LYPLAL1: variants seen among roughly 807,000 people sequenced by gnomAD.
The protein encoded by LYPLAL1 is lysophospholipase like 1, also known as lysophospholipase-like protein 1.
In LYPLAL1, 23 loss-of-function variants were observed where a neutral mutation model predicts 19.7. The observed-to-expected ratio is 1.17, with a 90% CI of 0.84 to 1.65. The LOEUF (loss-of-function observed/expected upper bound fraction) is 1.65. Ranked by LOEUF, LYPLAL1 falls within the 40% of genes most tolerant of loss-of-function variation. LYPLAL1 has a pLI of 0.00. For synonymous variants in LYPLAL1, 119 were observed against 96.3 expected (o/e 1.24, Z -1.38); for missense variants, 355 against 279.4 (o/e 1.27, Z -1.93).
chr1:219,193,294 G>C (rs767361782), intron 3 of LYPLAL1, 43 bp downstream of exon 3: 35 of 1,507,584 alleles, frequency 2.3e-5, no homozygotes, highest in Non-Finnish European at 3.1e-5. Context: ...GTTCACTTTT[G>C]TCTAATTCTA....
the LYPLAL1 span, among the ~76,000 whole-genome samples, chr1:219,410,756 G>A: frequency 1.3e-5 from 2 of 152,384 alleles, no homozygotes; most frequent in African/African-American, 4.8e-5. Flanking sequence ...CAGCCAGCCA[G>A]CCCTGCTGGC....
the LYPLAL1 span, among the ~76,000 whole-genome samples, chr1:219,296,880 C>T: frequency 1.3e-5 from 2 of 152,242 alleles, no homozygotes; most frequent in South Asian, 2.1e-4. Context: ...TAAAGTGCAA[C>T]GAATCAGAAG....
At chr1:219,303,068 G>A in the LYPLAL1 span, among the ~76,000 whole-genome samples, 1 of 152,172 alleles carries the variant, frequency 6.6e-6, no homozygotes, top group African/African-American at 2.4e-5. Context: ...CACATTTCCA[G>A]AAGTATAGAA....
the LYPLAL1 span, among the ~76,000 whole-genome samples, chr1:219,276,497 C>T: frequency 1.3e-5 from 2 of 152,256 alleles, no homozygotes; most frequent in Admixed American, 1.3e-4. Context: ...TTGAGTCAGC[C>T]AGAGGGTAAA....
chr1:219,176,858 C>T (rs1242865802), intron 1 of LYPLAL1, among the ~76,000 whole-genome samples: 1 of 152,152 alleles, frequency 6.6e-6, no homozygotes, highest in African/African-American at 2.4e-5. Context: ...AGAAATATAT[C>T]ACAGCCTCCA....
At chr1:219,300,527 T>C in the LYPLAL1 span, among the ~76,000 whole-genome samples, 1 of 127,080 alleles carries the variant, frequency 7.9e-6, no homozygotes, top group Non-Finnish European at 1.6e-5. Flanking sequence ...TTCTTTATCC[T>C]AACTTTTTTT....
the LYPLAL1 span, among the ~76,000 whole-genome samples, chr1:219,345,079 A>G: frequency 6.6e-6 from 1 of 152,194 alleles, no homozygotes; most frequent in Non-Finnish European, 1.5e-5. Context: ...CATGATTTGT[A>G]ATGCTTAAAC....
chr1:219,267,101 T>C, the LYPLAL1 span, among the ~76,000 whole-genome samples: 344 of 152,220 alleles, frequency 2.3e-3, 1 homozygote, highest in African/African-American at 7.6e-3. Context: ...ATGGTAGATA[T>C]ATATGAGCAT....
At chr1:219,306,845 T>TAGACAGACAGACAGAC in the LYPLAL1 span, among the ~76,000 whole-genome samples, 1 of 83,140 alleles carries the variant, frequency 1.2e-5, no homozygotes. Flanking sequence ...GATAGATAGA[T>TAGACAGACAGACAGAC]AGATAGACAG....
At chr1:219,287,222 C>T in the LYPLAL1 span, among the ~76,000 whole-genome samples, 2 of 152,156 alleles carry the variant, frequency 1.3e-5, no homozygotes, top group African/African-American at 4.8e-5. Context: ...CAAGGACTTG[C>T]TGCCCAGACT....
At chr1:219,313,328 A>ATTT in the LYPLAL1 span, among the ~76,000 whole-genome samples, 1 of 152,020 alleles carries the variant, frequency 6.6e-6, no homozygotes, top group South Asian at 2.1e-4. Flanking sequence ...AAATAGTTTT[A>ATTT]TTTTTCTCAT....
At chr1:219,302,578 T>A in the LYPLAL1 span, among the ~76,000 whole-genome samples, 1 of 151,866 alleles carries the variant, frequency 6.6e-6, no homozygotes, top group Non-Finnish European at 1.5e-5. Context: ...TGAGTCTCAA[T>A]TTTTTTTCAT....
At chr1:219,185,546 C>T (rs1656656201) in intron 2 of LYPLAL1, among the ~76,000 whole-genome samples, 3 of 151,744 alleles carry the variant, frequency 2.0e-5, no homozygotes, top group Non-Finnish European at 4.4e-5. Context: ...ACTTGTATAA[C>T]AGACCACCCC....
the LYPLAL1 span, among the ~76,000 whole-genome samples, chr1:219,317,575 G>A: frequency 1.3e-5 from 2 of 152,128 alleles, no homozygotes; most frequent in South Asian, 2.1e-4. Flanking sequence ...TGATGAGAAA[G>A]TATGCAGTTA....
At chr1:219,440,876 T>G in the LYPLAL1 span, among the ~76,000 whole-genome samples, 1 of 152,178 alleles carries the variant, frequency 6.6e-6, no homozygotes, top group African/African-American at 2.4e-5. Context: ...CATCAATCAC[T>G]GCTGACTTCA....
At chr1:219,382,352 CT>C in the LYPLAL1 span, among the ~76,000 whole-genome samples, 1 of 152,058 alleles carries the variant, frequency 6.6e-6, no homozygotes, top group African/African-American at 2.4e-5. Context: ...CAAGTTGCCA[CT>C]TTTTTTGTTG....
the LYPLAL1 span, among the ~76,000 whole-genome samples, chr1:219,426,655 G>A: frequency 2.0e-5 from 3 of 151,826 alleles, no homozygotes; most frequent in East Asian, 5.8e-4. Flanking sequence ...CTGCAATGCA[G>A]TAGCATGATC....
At chr1:219,262,843 C>T in the LYPLAL1 span, among the ~76,000 whole-genome samples, 23 of 152,298 alleles carry the variant, frequency 1.5e-4, no homozygotes, top group Non-Finnish European at 2.8e-4. Flanking sequence ...GTCACATGGA[C>T]AGAGTCAGGA....
the LYPLAL1 span, among the ~76,000 whole-genome samples, chr1:219,420,102 C>A: frequency 6.6e-6 from 1 of 152,176 alleles, no homozygotes; most frequent in African/African-American, 2.4e-5. Flanking sequence ...AACCATAGAT[C>A]TTGGCAGGAA....
Sources: gnomAD v4.1 joint callset for allele counts (sites outside exome capture counted in the v4.1 genomes callset) on GRCh38, gnomAD v4.1.1 for gene constraint, MANE v1.5 for transcripts, NCBI Gene and HGNC (gene_info 2026-07-23, HGNC 2026-07-21) for gene names.